The following FYB2 variants were observed in gnomAD, a reference collection of about 807,000 sequenced individuals.
FYB2 encodes FYN binding protein 2.
A neutral mutation model predicts 94.1 loss-of-function variants in FYB2; 103 were observed. The observed-to-expected ratio is 1.09, with a 90% CI of 0.93 to 1.29. The LOEUF (loss-of-function observed/expected upper bound fraction) is 1.29. Ranked by LOEUF, FYB2 falls within the 50% of genes most tolerant of loss-of-function variation. The pLI, the probability that FYB2 is intolerant of heterozygous loss-of-function variation, is 0.00. For missense variants in FYB2, 896 were observed against 841.5 expected (o/e 1.06, Z -0.80); for synonymous variants, 293 against 287.9 (o/e 1.02, Z -0.18).
In FYB2 at chr1:56,737,093, T is replaced by C. The variant is rs767467547; in HGVS notation, c.1787A>G (p.Glu596Gly). 6.2e-7 allele frequency: 1 copy of C among 1,602,226 alleles called. No homozygotes were observed. Among genetic ancestry groups the C allele is most frequent in the Non-Finnish European group, 8.5e-7 (1 of 1,171,560 alleles). ...IYDDVDLSEKESKDEDKLKMW... is the reference protein window; with the variant it reads ...IYDDVDLSEKGSKDEDKLKMW... ...AATAAGGTAAATTACTTACTTTGAC[T>C]CTTTTTCACTCAGGTCTACATCATC... Residue 596 changes from glutamate (E) to glycine (G), a missense_variant, in exon 15 of 20, where the codon GAG (glutamate) becomes GGG (glycine). By Grantham distance (98) the Glu-to-Gly change is moderately conservative. Transcript: ENST00000343433.
chr1:56,802,957 C>G (rs1033843096), intron 1 of FYB2, among the ~76,000 whole-genome samples: 5 of 152,194 alleles, frequency 3.3e-5, no homozygotes, highest in Non-Finnish European at 5.9e-5. Context: ...AGCAGCCTCT[C>G]TATAAAATCT....
chr1:56,742,141 C>A lies in FYB2; in HGVS notation c.1604+20G>T, dbSNP rs772542713. ...ACAGGAAGTCATTAGCCTACAAAGCCAAGAAAGAGAGAAACTCACTCTATC... is the reference window on the plus strand; with the variant it reads ...ACAGGAAGTCATTAGCCTACAAAGCAAAGAAAGAGAGAAACTCACTCTATC... On this transcript the variant is annotated intron_variant, in intron 12 of 19. Transcript: ENST00000343433. 1.6e-5 allele frequency: 26 copies of A among 1,594,170 alleles called. No individual in the cohort carries two copies. In the Middle Eastern group the frequency reaches 1.5e-3, roughly 92 times the overall value.
At chr1:56,808,683 C>G (rs1040168592) in intron 1 of FYB2, among the ~76,000 whole-genome samples, 70 of 152,136 alleles carry the variant, frequency 4.6e-4, no homozygotes, top group Admixed American at 1.0e-3. Flanking sequence ...TGGAGGAAAC[C>G]ATGCACTGCT....
At chr1:56,721,385 G>C (rs570405098) in intron 17 of FYB2, among the ~76,000 whole-genome samples, 1 of 152,066 alleles carries the variant, frequency 6.6e-6, no homozygotes, top group East Asian at 1.9e-4. Context: ...TCCACTCTTA[G>C]AAGTGTCCTG....
At chr1:56,734,781 T>C (rs1644795102) in intron 15 of FYB2, among the ~76,000 whole-genome samples, 1 of 151,874 alleles carries the variant, frequency 6.6e-6, no homozygotes, top group Non-Finnish European at 1.5e-5. Context: ...AACCTTCACA[T>C]TGTGCACTTG....
intron 1 of FYB2, among the ~76,000 whole-genome samples, chr1:56,794,372 T>C (rs1012426127): frequency 6.6e-6 from 1 of 152,186 alleles, no homozygotes; most frequent in Non-Finnish European, 1.5e-5. Flanking sequence ...TCGCAGGAAG[T>C]AGGACAATGT....
rs1645022171 is a variant in FYB2, at chr1:56,744,263, C to T, written c.1391G>A (p.Gly464Glu). 1.2e-6 allele frequency: 2 copies of T among 1,610,006 alleles called. No homozygotes were observed. Among genetic ancestry groups the T allele is most frequent in the Non-Finnish European group, 8.5e-7 (1 of 1,178,248 alleles). Residue 464 changes from glycine to glutamate, a missense_variant, in exon 10 of 20, where the codon GGG becomes GAG. By Grantham distance (98) the Gly-to-Glu change is moderately conservative. Coordinates refer to ENST00000343433, the MANE Select transcript of FYB2 (RefSeq NM_001004303.5). ...AGTTGACTCCAAAACCTCCAGATGC[C>T]CACCTGAAAGGAAACCAGAAAACCT... ...KLARHSQGHCGHLEVLESTKE... is the reference protein window; with the variant it reads ...KLARHSQGHCEHLEVLESTKE...
intron 13 of FYB2, 39 bp downstream of exon 13, chr1:56,740,658 T>C: frequency 8.1e-7 from 1 of 1,237,768 alleles, no homozygotes; most frequent in South Asian, 1.3e-5. Flanking sequence ...TCTACCAGGT[T>C]AATCCCCTCG....
chr1:56,756,575 C>T lies in FYB2; in HGVS notation c.1099-648G>A, dbSNP rs1431024643. ...CATTATACTCTCCTTTGAGGGCAGC[C>T]CTGGAAACCATTATTCAGAGACTAT... On this transcript the variant is annotated intron_variant, in intron 6 of 19. Coordinates refer to ENST00000343433, the MANE Select transcript of FYB2 (RefSeq NM_001004303.5). 3.3e-5 allele frequency among the ~76,000 whole-genome samples: 5 copies of T among 152,038 alleles called. No homozygotes were observed. The South Asian group carries it at 6.2e-4, about 19-fold the overall frequency.
At chr1:56,721,478 T>C (rs1644484482) in intron 17 of FYB2, among the ~76,000 whole-genome samples, 1 of 152,084 alleles carries the variant, frequency 6.6e-6, no homozygotes, top group South Asian at 2.1e-4. Flanking sequence ...CTTAAAGTAA[T>C]CGCTTCCTTA....
chr1:56,730,660 AG>A (rs975397797), intron 15 of FYB2, among the ~76,000 whole-genome samples: 4 of 152,230 alleles, frequency 2.6e-5, no homozygotes, highest in African/African-American at 9.6e-5. Flanking sequence ...CTCCCAAAAA[AG>A]AAAAGTCTAG....
At chr1:56,816,321 A>G (rs932391744) in intron 1 of FYB2, among the ~76,000 whole-genome samples, 2 of 152,188 alleles carry the variant, frequency 1.3e-5, no homozygotes, top group African/African-American at 4.8e-5. Context: ...GGCTAGGCTT[A>G]GCTGTAACTG....
chr1:56,755,836 T>C, intron 7 of FYB2, 60 bp downstream of exon 7: 1 of 1,501,078 alleles, frequency 6.7e-7, no homozygotes, highest in Non-Finnish European at 9.2e-7. Flanking sequence ...GGAAAACTAG[T>C]TCAGTCATCA....
At chr1:56,797,363 A>G (rs1024503430) in intron 1 of FYB2, among the ~76,000 whole-genome samples, 2 of 152,130 alleles carry the variant, frequency 1.3e-5, no homozygotes, top group African/African-American at 2.4e-5. Flanking sequence ...GGCAATTTCT[A>G]ACTGATTCCT....
chr1:56,767,926 T>C lies in FYB2; in HGVS notation c.966A>G (p.Ala322=), dbSNP rs939234677. The change falls in exon 5 of 20, where the codon GCA becomes GCG. Residue 322 remains alanine (A), a synonymous_variant. Coordinates refer to ENST00000343433, the MANE Select transcript of FYB2 (RefSeq NM_001004303.5). ...CGTAATTATGTGGTTCTTCAAATTC[T>C]GCATTGAAAAGCCTGGAGAAAAAAG... ...GSLSPERLFN[A]EFEEPHNYEA... is the part of the protein sequence containing the mutation. The C allele has an allele frequency of 6.2e-7, 1 of 1,600,224 alleles. No individual in the cohort carries two copies. The highest frequency in any genetic ancestry group is 8.5e-7 in the Non-Finnish European group (1 of 1,175,094).
At chr1:56,746,923 C>T (rs857118) in intron 9 of FYB2, among the ~76,000 whole-genome samples, 82,102 of 151,758 alleles carry the variant, frequency 0.54, 22,694 homozygotes, top group African/African-American at 0.66. Flanking sequence ...TGAATGAGAG[C>T]TTTAGTTGCT....
chr1:56,819,679 G>A (rs150882359), upstream of FYB2: 1 of 376,868 alleles, frequency 2.7e-6, no homozygotes, highest in Non-Finnish European at 5.0e-6. Context: ...AATGGGGATG[G>A]CAGGCTCCTG....
At chr1:56,735,802 C>T (rs536278049) in intron 15 of FYB2, among the ~76,000 whole-genome samples, 6 of 152,188 alleles carry the variant, frequency 3.9e-5, no homozygotes, top group East Asian at 3.9e-4. Flanking sequence ...ACCAGCCACG[C>T]GGAACTGCGA....
intron 1 of FYB2, among the ~76,000 whole-genome samples, chr1:56,816,200 G>C (rs774244417): frequency 1.3e-5 from 2 of 152,184 alleles, no homozygotes; most frequent in African/African-American, 2.4e-5. Flanking sequence ...AGGCTCAGCT[G>C]AGTTCTCCCT....
Sources: gnomAD v4.1 joint callset for allele counts (sites outside exome capture counted in the v4.1 genomes callset) on GRCh38, gnomAD v4.1.1 for gene constraint, MANE v1.5 for transcripts, NCBI Gene and HGNC (gene_info 2026-07-23, HGNC 2026-07-21) for gene names.